The following COL13A1 variants were observed in gnomAD, a reference collection of about 807,000 sequenced individuals.
The protein encoded by COL13A1 is collagen type XIII alpha 1 chain, also known as collagen alpha-1(XIII) chain.
A neutral mutation model predicts 130.9 loss-of-function variants in COL13A1; 89 were observed. That is an observed-to-expected ratio of 0.68 (90% CI 0.57 to 0.81). The LOEUF (loss-of-function observed/expected upper bound fraction) is 0.81, where lower values mean the gene tolerates loss of function less well. COL13A1 is among the 30% of genes least tolerant of loss of function. The pLI, the probability that COL13A1 is intolerant of heterozygous loss-of-function variation, is 0.00. For synonymous variants in COL13A1, 402 were observed against 341.6 expected, an observed-to-expected ratio of 1.18 and a Z score of -1.95; for missense variants, 879 against 934.6, an observed-to-expected ratio of 0.94 and a Z score of 0.78.
At chr10:69,935,456 C>A in intron 32 of COL13A1, 65 bp downstream of exon 32, 1 of 1,254,478 alleles carries the variant, frequency 8.0e-7, no homozygotes, top group Non-Finnish European at 1.1e-6. Flanking sequence ...AGTCACTGGG[C>A]TCAACCTCAG....
At chr10:69,866,944 C>T (rs773956681) in intron 2 of COL13A1, among the ~76,000 whole-genome samples, 29 of 152,228 alleles carry the variant, frequency 1.9e-4, no homozygotes, top group African/African-American at 4.3e-4. Context: ...TGGGAATCAC[C>T]GGGAGGGTGG....
At chr10:69,899,227 C>T (rs1378774396) in intron 14 of COL13A1, among the ~76,000 whole-genome samples, 1 of 152,158 alleles carries the variant, frequency 6.6e-6, no homozygotes, top group Non-Finnish European at 1.5e-5. Flanking sequence ...GACCTGTGTC[C>T]CAGCCTTCTC....
chr10:69,911,888 A>G (rs961771247), intron 17 of COL13A1, among the ~76,000 whole-genome samples: 1 of 152,238 alleles, frequency 6.6e-6, no homozygotes, highest in African/African-American at 2.4e-5. Context: ...ACCTTCCACG[A>G]CAGCTATTCC....
At chr10:69,913,344 A>C (rs2063580692) in intron 17 of COL13A1, among the ~76,000 whole-genome samples, 1 of 152,212 alleles carries the variant, frequency 6.6e-6, no homozygotes. Context: ...GAGGGGGCAG[A>C]GATAGAGGAG....
chr10:69,868,860 T>G (rs1400902242), intron 3 of COL13A1, among the ~76,000 whole-genome samples: 1 of 152,204 alleles, frequency 6.6e-6, no homozygotes, highest in Non-Finnish European at 1.5e-5. Flanking sequence ...TATGGCACGT[T>G]TGGTGTGTCA....
At chr10:69,858,672 G>A (rs1249231641) in intron 2 of COL13A1, among the ~76,000 whole-genome samples, 1 of 152,188 alleles carries the variant, frequency 6.6e-6, no homozygotes, top group East Asian at 1.9e-4. Context: ...AGACGAGCAT[G>A]GTCTGAACTT....
At chr10:69,879,603 A>G (rs4746011) in intron 6 of COL13A1, among the ~76,000 whole-genome samples, 12,928 of 152,196 alleles carry the variant, frequency 0.085, 633 homozygotes, top group South Asian at 0.13. Flanking sequence ...AAGGTATGAC[A>G]TTTTCCAAAA....
intron 17 of COL13A1, among the ~76,000 whole-genome samples, chr10:69,908,105 G>A (rs1355966813): frequency 2.0e-5 from 3 of 152,174 alleles, no homozygotes; most frequent in Admixed American, 1.3e-4. Flanking sequence ...TCCAGACCCT[G>A]GCTGGGAAGC....
intron 34 of COL13A1, among the ~76,000 whole-genome samples, chr10:69,940,618 A>C (rs1014421161): frequency 2.0e-5 from 3 of 152,084 alleles, no homozygotes; most frequent in African/African-American, 4.8e-5. Flanking sequence ...CTCTGATTCC[A>C]AGACATCTCT....
chr10:69,805,556 T>A (rs1657821682), intron 1 of COL13A1, among the ~76,000 whole-genome samples: 1 of 152,240 alleles, frequency 6.6e-6, no homozygotes, highest in Non-Finnish European at 1.5e-5. Flanking sequence ...AATTTTAGCT[T>A]GTCTGTTGCA....
chr10:69,937,261 G>C (rs558436104), intron 33 of COL13A1, among the ~76,000 whole-genome samples: 2 of 152,334 alleles, frequency 1.3e-5, no homozygotes, highest in East Asian at 3.9e-4. Flanking sequence ...CTTCGGGGCA[G>C]TTTGTTCTCC....
intron 2 of COL13A1, among the ~76,000 whole-genome samples, chr10:69,825,821 A>G (rs1847345910): frequency 6.6e-6 from 1 of 152,216 alleles, no homozygotes; most frequent in African/African-American, 2.4e-5. Flanking sequence ...CCTTCCCAGC[A>G]TCCTCCTGGG....
At chr10:69,817,666 C>T (rs2763335) in intron 1 of COL13A1, among the ~76,000 whole-genome samples, 141,307 of 151,928 alleles carry the variant, frequency 0.93, 65,729 homozygotes, top group South Asian at 0.96. Flanking sequence ...GTGAACAGGG[C>T]GGGTGTCAAG....
At chr10:69,835,771 C>T (rs1849887922) in intron 2 of COL13A1, among the ~76,000 whole-genome samples, 1 of 152,202 alleles carries the variant, frequency 6.6e-6, no homozygotes, top group African/African-American at 2.4e-5. Context: ...TCGGCAGTGG[C>T]CGTGATGCTT....
chr10:69,817,032 C>T (rs904499131), intron 1 of COL13A1, among the ~76,000 whole-genome samples: 1 of 152,212 alleles, frequency 6.6e-6, no homozygotes, highest in African/African-American at 2.4e-5. Context: ...CTAAATCCAG[C>T]TTGCAGCCCA....
chr10:69,822,615 G>A lies in COL13A1; in HGVS notation c.364+177G>A, dbSNP rs8181302. Among the ~76,000 whole-genome samples, 49,787 of 152,086 alleles carry A rather than the reference G, an allele frequency of 0.33. 9,470 individuals carry two copies. The highest frequency in any genetic ancestry group is 0.49 in the South Asian group (2,344 of 4,816). ...GCTCACAGATTGGCCTGCCTGCCCC[G>A]CATCCATCAGTCCACCCACCATTCA... On this transcript the variant is annotated intron_variant, in intron 2 of 40. Coordinates refer to ENST00000645393, the MANE Select transcript of COL13A1 (RefSeq NM_001368882.1).
At chr10:69,878,016 T>G (rs1320256748) in intron 5 of COL13A1, 23 bp from the exon 6 acceptor site, 1 of 703,050 alleles carries the variant, frequency 1.4e-6, no homozygotes, top group South Asian at 1.5e-5. Context: ...TCCTGCACCC[T>G]GTGTTGCATG....
chr10:69,925,122 G>A (rs995161498), intron 25 of COL13A1, 115 bp downstream of exon 25: 28 of 1,056,586 alleles, frequency 2.7e-5, no homozygotes, highest in Admixed American at 3.5e-5. Context: ...TTAAGGGCAC[G>A]TGCCCAAGAG....
At chr10:69,838,437 A>T (rs1224426144) in intron 2 of COL13A1, among the ~76,000 whole-genome samples, 1 of 152,206 alleles carries the variant, frequency 6.6e-6, no homozygotes, top group East Asian at 1.9e-4. Flanking sequence ...AGGGATCATG[A>T]CAACCTCTAC....
Sources: allele counts gnomAD v4.1 joint callset (sites outside exome capture counted in the v4.1 genomes callset), GRCh38; gene constraint gnomAD v4.1.1; transcripts MANE v1.5; gene names NCBI Gene and HGNC (gene_info 2026-07-23, HGNC 2026-07-21).